The following INSR variants were observed in gnomAD, a reference collection of about 807,000 sequenced individuals.
The protein encoded by INSR is IR.
Under a neutral mutation model 142.6 loss-of-function variants are expected in INSR, and 67 were observed. The observed-to-expected ratio is 0.47, with a 90% CI of 0.39 to 0.58. The LOEUF (loss-of-function observed/expected upper bound fraction) is 0.58, where lower values mean the gene tolerates loss of function less well. Among genes scored for constraint, INSR ranks in the 20% least tolerant of loss-of-function variants. INSR has a pLI of 0.00. For synonymous variants in INSR, 756 were observed against 743.1 expected (o/e 1.02, Z -0.28); for missense variants, 1,248 against 1,833.2 (o/e 0.68, Z 5.83).
intron 2 of INSR, among the ~76,000 whole-genome samples, chr19:7,259,839 G>A (rs940693234): frequency 2.1e-4 from 32 of 150,566 alleles, no homozygotes; most frequent in South Asian, 1.3e-3. Flanking sequence ...AAAAGAAAAA[G>A]AAAACAAAAT....
chr19:7,141,635 G>C, intron 13 of INSR, 42 bp downstream of exon 13: 1 of 1,612,964 alleles, frequency 6.2e-7, no homozygotes, highest in Non-Finnish European at 8.5e-7. Context: ...GAAGGGGCAT[G>C]CTGAAGTGTG....
At chr19:7,281,201 T>C (rs10409516) in intron 1 of INSR, among the ~76,000 whole-genome samples, 2 of 152,050 alleles carry the variant, frequency 1.3e-5, no homozygotes, top group African/African-American at 4.8e-5. Context: ...GACCAGAAAG[T>C]CACTTTGTAA....
intron 2 of INSR, among the ~76,000 whole-genome samples, chr19:7,244,869 G>A (rs188913604): frequency 6.7e-6 from 1 of 149,652 alleles, no homozygotes; most frequent in Admixed American, 6.7e-5. Flanking sequence ...TGGGAAATGG[G>A]TTATGTTTTT....
chr19:7,129,538 T>C (rs975564364), intron 14 of INSR, among the ~76,000 whole-genome samples: 18 of 152,002 alleles, frequency 1.2e-4, no homozygotes, highest in Non-Finnish European at 2.2e-4. Flanking sequence ...CTGGCCAGGC[T>C]GGCCTCAAAC....
intron 2 of INSR, among the ~76,000 whole-genome samples, chr19:7,260,880 CT>C (rs10628444): frequency 3.3e-3 from 476 of 143,950 alleles, no homozygotes; most frequent in Admixed American, 3.4e-3. Flanking sequence ...CAAAGAACTT[CT>C]TTTTTTTTTT....
At chr19:7,202,073 C>G (rs1036010912) in intron 2 of INSR, among the ~76,000 whole-genome samples, 1 of 152,182 alleles carries the variant, frequency 6.6e-6, no homozygotes, top group Non-Finnish European at 1.5e-5. Context: ...CGTTCAGCAG[C>G]TATGGAAAAG....
At chr19:7,201,334 A>G (rs542639074) in intron 2 of INSR, among the ~76,000 whole-genome samples, 2 of 152,264 alleles carry the variant, frequency 1.3e-5, no homozygotes, top group Non-Finnish European at 2.9e-5. Context: ...AGCTGTCTTT[A>G]CAATTTTTTA....
intron 2 of INSR, among the ~76,000 whole-genome samples, chr19:7,218,246 G>C (rs557311691): frequency 2.2e-4 from 34 of 151,954 alleles, no homozygotes; most frequent in Non-Finnish European, 1.8e-4. Flanking sequence ...GGTATCTAGT[G>C]GGGGGAGGCC....
intron 2 of INSR, among the ~76,000 whole-genome samples, chr19:7,230,517 A>G (rs1975937227): frequency 6.6e-6 from 1 of 152,028 alleles, no homozygotes. Flanking sequence ...TTTCAGAAAT[A>G]TTACCTTGGC....
At chr19:7,164,583 C>T (rs987325848) in intron 8 of INSR, among the ~76,000 whole-genome samples, 6 of 145,788 alleles carry the variant, frequency 4.1e-5, no homozygotes, top group African/African-American at 1.5e-4. Flanking sequence ...TTTGGGAAGC[C>T]GAGGCAGGCG....
At chr19:7,137,990 G>A (rs1308773873) in intron 13 of INSR, among the ~76,000 whole-genome samples, 1 of 142,742 alleles carries the variant, frequency 7.0e-6, no homozygotes, top group Non-Finnish European at 1.5e-5. Context: ...TTGAGATGGA[G>A]TCTCACTCTG....
At position 7,173,186 on chromosome 19, in the gene INSR, C is replaced by A. The variant is rs1015381607; in HGVS notation, c.1124-752G>T. On this transcript the variant is annotated intron_variant, in intron 4 of 21. Transcript: ENST00000302850. The stretch of plus-strand genomic sequence containing the variant: ...CTTCACAGCACAGACCACAACCTGA[C>A]CTTACAATATCTGTCGATTTACTTA... Among the ~76,000 whole-genome samples, 37 of 152,294 alleles carry A rather than the reference C, an allele frequency of 2.4e-4. No individual in the cohort carries two copies. In the East Asian group the frequency reaches 4.6e-3, roughly 19 times the overall value.
chr19:7,271,953 T>C (rs115412996), intron 1 of INSR, among the ~76,000 whole-genome samples: 102 of 151,874 alleles, frequency 6.7e-4, no homozygotes, highest in African/African-American at 2.4e-3. Context: ...AGGACTGCAG[T>C]GATCTGTGTT....
chr19:7,185,479 GA>G (rs35444478), intron 2 of INSR, among the ~76,000 whole-genome samples: 21,453 of 152,078 alleles, frequency 0.14, 1,855 homozygotes, highest in South Asian at 0.22. Context: ...CCACTGTGGG[GA>G]AAAAAGTGGC....
At chr19:7,128,357 G>A (rs938979911) in intron 15 of INSR, among the ~76,000 whole-genome samples, 2 of 151,694 alleles carry the variant, frequency 1.3e-5, no homozygotes, top group Non-Finnish European at 1.5e-5. Flanking sequence ...GATTACAGGC[G>A]CCCACCACCA....
At chr19:7,247,373 T>G (rs1030481922) in intron 2 of INSR, among the ~76,000 whole-genome samples, 2 of 152,124 alleles carry the variant, frequency 1.3e-5, no homozygotes, top group African/African-American at 4.8e-5. Context: ...GACAAGACAC[T>G]CTGAGCCCCG....
intron 2 of INSR, among the ~76,000 whole-genome samples, chr19:7,219,893 C>G (rs1205267021): frequency 3.6e-5 from 5 of 137,250 alleles, no homozygotes; most frequent in Non-Finnish European, 6.2e-5. Flanking sequence ...ATTATAGCTT[C>G]ACAGCAAGGA....
intron 13 of INSR, among the ~76,000 whole-genome samples, chr19:7,132,737 G>A (rs1438026045): frequency 1.5e-4 from 23 of 151,662 alleles, no homozygotes; most frequent in African/African-American, 4.8e-4. Context: ...GATTACAGGC[G>A]CTCACCACCG....
At chr19:7,191,308 AGAAAGAAAGAAAG>A (rs1974580045) in intron 2 of INSR, among the ~76,000 whole-genome samples, 1 of 143,264 alleles carries the variant, frequency 7.0e-6, no homozygotes, top group Non-Finnish European at 1.5e-5. Flanking sequence ...AAAAGAAAAG[AGAAAGAAAGAAAG>A]AAAAAGAAAG....
Sources: gnomAD v4.1 joint callset for allele counts (sites outside exome capture counted in the v4.1 genomes callset) on GRCh38, gnomAD v4.1.1 for gene constraint, MANE v1.5 for transcripts, NCBI Gene and HGNC (gene_info 2026-07-23, HGNC 2026-07-21) for gene names.